The following SPTAN1 variants were observed in gnomAD, a reference collection of about 807,000 sequenced individuals.
SPTAN1 encodes the protein spectrin alpha chain, non-erythrocytic 1.
A neutral mutation model predicts 331.3 loss-of-function variants in SPTAN1; 61 were observed. The ratio of observed to expected loss-of-function variants is 0.18; its 90% CI spans 0.15 to 0.23. SPTAN1 has a LOEUF of 0.23. Ranked by LOEUF, SPTAN1 falls within the 10% of genes least tolerant of loss-of-function variation. The probability of loss-of-function intolerance (pLI) is 1.00; values close to 1 mark genes in which losing one functional copy is unlikely to be tolerated. For missense variants in SPTAN1, 2,043 were observed against 3,147.9 expected (o/e 0.65, Z 8.40); for synonymous variants, 1,153 against 1,173.9 (o/e 0.98, Z 0.36).
intron 26 of SPTAN1, 67 bp from the exon 27 acceptor site, chr9:128,600,012 TG>T: frequency 3.9e-6 from 6 of 1,548,538 alleles, no homozygotes; most frequent in Non-Finnish European, 5.4e-6. Context: ...AGTCATTCGC[TG>T]GAAAGGCCAG....
At chr9:128,583,019 A>C (rs1852143107) in intron 14 of SPTAN1, 58 bp from the exon 15 acceptor site, 2 of 1,595,922 alleles carry the variant, frequency 1.3e-6, no homozygotes, top group Admixed American at 3.3e-5. Context: ...AAGGTAGTGC[A>C]AGGGAACTTG....
At chr9:128,557,423 G>C (rs985567288) in intron 1 of SPTAN1, among the ~76,000 whole-genome samples, 2 of 152,144 alleles carry the variant, frequency 1.3e-5, no homozygotes, top group African/African-American at 4.8e-5. Flanking sequence ...CAGAGCATTT[G>C]ACCTTTGGTT....
intron 27 of SPTAN1, 116 bp downstream of exon 27, chr9:128,600,231 C>A: frequency 8.8e-7 from 1 of 1,133,604 alleles, no homozygotes; most frequent in Non-Finnish European, 1.3e-6. Context: ...CATTTCTGGA[C>A]TTGTTTGGGC....
rs10760566 is a variant in SPTAN1, at chr9:128,583,939, A to C, written c.2163A>C (p.Ala721=). 1,605,663 of 1,614,148 alleles carry C rather than the reference A, an allele frequency of 0.99. 798,979 individuals carry two copies. The highest frequency in any genetic ancestry group is 1 in the East Asian group (44,883 of 44,888). The change falls in exon 16 of 57, where the codon GCA becomes GCC. Residue 721 remains alanine, a synonymous_variant. Coordinates refer to ENST00000372739, the MANE Select transcript of SPTAN1 (RefSeq NM_001130438.3). The part of the protein sequence containing the change: ...TNVQNLQKKH[A]LLEADVAAHQ... ...TGCAGAACCTCCAGAAGAAACATGCACTGCTAGAGGCAGATGTGGCTGCTC... is the reference window on the plus strand; with the variant it reads ...TGCAGAACCTCCAGAAGAAACATGCCCTGCTAGAGGCAGATGTGGCTGCTC...
chr9:128,630,010 C>A, intron 51 of SPTAN1: 1 of 472,424 alleles, frequency 2.1e-6, no homozygotes, highest in Non-Finnish European at 4.0e-6. Flanking sequence ...GACAGGCCTG[C>A]AGCCACCCTG....
intron 28 of SPTAN1, 47 bp downstream of exon 28, chr9:128,603,637 C>G (rs1318819136): frequency 6.2e-6 from 10 of 1,604,746 alleles, no homozygotes; most frequent in Non-Finnish European, 8.5e-6. Flanking sequence ...GTTTTCTCCA[C>G]TATCTTCCTT....
intron 21 of SPTAN1, among the ~76,000 whole-genome samples, chr9:128,589,776 C>T (rs1035331780): frequency 2.0e-5 from 3 of 149,596 alleles, no homozygotes; most frequent in Non-Finnish European, 3.0e-5. Context: ...GGGGTTTCAC[C>T]GTGTTAGCCA....
chr9:128,571,320 C>T (rs1358407348), intron 3 of SPTAN1, among the ~76,000 whole-genome samples: 1 of 151,422 alleles, frequency 6.6e-6, no homozygotes, highest in Non-Finnish European at 1.5e-5. Flanking sequence ...CACAGTGGCT[C>T]ATGCCTGTAA....
chr9:128,621,244 C>A lies in SPTAN1; in HGVS notation c.5820C>A (p.Asp1940Glu), dbSNP rs147815147. Reference protein sequence around the residue: ...RVNDVCTNGQDLIKKNNHHEE... With the variant: ...RVNDVCTNGQELIKKNNHHEE... ...ATGATGTCTGCACCAATGGACAAGACCTCATTAAGAAGGTGAGTCCAGCCC... is the reference window on the plus strand; with the variant it reads ...ATGATGTCTGCACCAATGGACAAGAACTCATTAAGAAGGTGAGTCCAGCCC... The change falls in exon 45 of 57, where the codon GAC becomes GAA. Residue 1940 changes from aspartate (D) to glutamate (E), a missense_variant. Around this residue, in one of 12 missense-constraint regions of SPTAN1, gnomAD observed 323 missense variants for 581.1 expected, o/e 0.56. Transcript: ENST00000372739. 1 of 1,613,318 alleles carries A rather than the reference C, an allele frequency of 6.2e-7. No homozygotes were observed. The highest frequency in any genetic ancestry group is 8.5e-7 in the Non-Finnish European group (1 of 1,179,896).
rs1015182699 is a variant in SPTAN1, at chr9:128,566,797, G to A, written c.57G>A (p.Arg19=). The A allele has an allele frequency of 3.7e-6, 6 of 1,614,076 alleles. No homozygotes were observed. The highest frequency in any genetic ancestry group is 3.3e-5 in the Admixed American group (2 of 60,006). ...CAGCAGAGGACATCCAGGAGAGGCG[G>A]CAGCAGGTCCTAGACCGATACCACC... ...LETAEDIQER[R]QQVLDRYHRF... is the part of the protein sequence containing the mutation. Residue 19 remains arginine, a synonymous_variant, in exon 2 of 57, where the codon CGG becomes CGA. Transcript: ENST00000372739.
intron 26 of SPTAN1, chr9:128,599,534 G>A (rs1184588750): frequency 1.1e-5 from 2 of 177,002 alleles, no homozygotes; most frequent in Non-Finnish European, 2.4e-5. Flanking sequence ...AAGAGATAGG[G>A]TCTTGCTTTG....
chr9:128,618,730 G>T, intron 43 of SPTAN1, 141 bp from the exon 44 acceptor site: 2 of 1,214,392 alleles, frequency 1.6e-6, no homozygotes, highest in Non-Finnish European at 2.4e-6. Flanking sequence ...TGATCTGCCC[G>T]CCTCGGCCTC....
intron 36 of SPTAN1, 105 bp from the exon 37 acceptor site, chr9:128,609,546 T>G: frequency 9.5e-7 from 1 of 1,050,262 alleles, no homozygotes; most frequent in Non-Finnish European, 1.4e-6. Flanking sequence ...TCCCAAATGC[T>G]GAGCTTCCTG....
At position 128,573,049 on chromosome 9, in the gene SPTAN1, G is replaced by A. The variant is rs776641301; in HGVS notation, c.364-1626G>A. ...GGTTTTCAGGTTTTCATTTTGCTAGGAGTGACATCTCAATCATGGGTGGAT... is the reference window on the plus strand; with the variant it reads ...GGTTTTCAGGTTTTCATTTTGCTAGAAGTGACATCTCAATCATGGGTGGAT... On this transcript the variant is annotated intron_variant, in intron 3 of 56. Transcript: ENST00000372739. Among the ~76,000 whole-genome samples, 15 of 152,284 alleles carry A rather than the reference G, an allele frequency of 9.9e-5. No homozygotes were observed. In the South Asian group the frequency reaches 2.7e-3, roughly 27 times the overall value.
Position 128,600,104 on chromosome 9 carries a change from T to G in SPTAN1, c.3568T>G (p.Ser1190Ala), listed in dbSNP as rs2131475553. 1 of 1,614,218 alleles carries G rather than the reference T, an allele frequency of 6.2e-7. No individual in the cohort carries two copies. Among genetic ancestry groups the G allele is most frequent in the Non-Finnish European group, 8.5e-7 (1 of 1,180,024 alleles). The change falls in exon 27 of 57, where the codon TCC (serine) becomes GCC (alanine). Residue 1190 changes from serine (S) to alanine (A), a missense_variant. Physicochemically the swap from Ser to Ala is moderately conservative, Grantham distance 99. Coordinates refer to ENST00000372739, the MANE Select transcript of SPTAN1 (RefSeq NM_001130438.3). ...GGATGAAACTGATTCCAAGACAGCC[T>G]CCCCGTGGAAGGTAAGAACTCCTTT... ...PRDETDSKTA[S>A]PWKSARLMVH...
chr9:128,576,728 A>G, intron 5 of SPTAN1, 95 bp from the exon 6 acceptor site: 1 of 1,515,362 alleles, frequency 6.6e-7, no homozygotes, highest in Non-Finnish European at 9.0e-7. Context: ...CAGAGTGGTG[A>G]TTTGCTGAGA....
chr9:128,594,085 C>A, intron 23 of SPTAN1, 90 bp from the exon 24 acceptor site: 14 of 1,251,594 alleles, frequency 1.1e-5, no homozygotes, highest in Non-Finnish European at 1.5e-5. Flanking sequence ...GAATCCACAT[C>A]TTGGAGACAC....
At chr9:128,587,748 C>T in intron 20 of SPTAN1, 50 bp downstream of exon 20, 1 of 1,492,844 alleles carries the variant, frequency 6.7e-7, no homozygotes, top group Middle Eastern at 1.7e-4. Flanking sequence ...TTGAAGGACT[C>T]AGATACTGTC....
rs1589293056 is a variant in SPTAN1, at chr9:128,604,295, G to C, written c.3628-31G>C. 2 of 1,607,268 alleles carry C rather than the reference G, an allele frequency of 1.2e-6. 1 individual carries two copies. Among genetic ancestry groups the C allele is most frequent in the Middle Eastern group, 3.3e-4 (2 of 6,046 alleles). The stretch of plus-strand genomic sequence containing the variant: ...CTGGGGGCATGACAGGAGAGGGAGT[G>C]CAGTGGAGCTGATGTTTTGCTGTCC... On this transcript the variant is annotated intron_variant, in intron 28 of 56. Coordinates refer to ENST00000372739, the MANE Select transcript of SPTAN1 (RefSeq NM_001130438.3).
Sources: gnomAD v4.1 joint callset for allele counts (sites outside exome capture counted in the v4.1 genomes callset) on GRCh38, gnomAD v4.1.1 for gene constraint, gnomAD v4.1.1 regional missense constraint, MANE v1.5 for transcripts, NCBI Gene and HGNC (gene_info 2026-07-23, HGNC 2026-07-21) for gene names.